Variants in TMEFF1 observed in about 807,000 individuals in gnomAD.
TMEFF1 encodes tomoregulin-1.
In TMEFF1, 20 loss-of-function variants were observed where a neutral mutation model predicts 47.5. That is an observed-to-expected ratio of 0.42 (90% confidence interval 0.30 to 0.61). The LOEUF (loss-of-function observed/expected upper bound fraction) is 0.61. TMEFF1 is among the 20% of genes least tolerant of loss of function. The pLI, the probability that TMEFF1 is intolerant of heterozygous loss-of-function variation, is 0.19. For synonymous variants in TMEFF1, 162 were observed against 166.3 expected, an observed-to-expected ratio of 0.97 and a Z score of 0.20; for missense variants, 411 against 471.1, an observed-to-expected ratio of 0.87 and a Z score of 1.18.
At chr9:100,483,810 G>C (rs1837390831) in intron 1 of TMEFF1, among the ~76,000 whole-genome samples, 1 of 150,114 alleles carries the variant, frequency 6.7e-6, no homozygotes, top group African/African-American at 2.5e-5. Flanking sequence ...CCCTGAACTT[G>C]GCTCTGTCAA....
chr9:100,511,590 T>A (rs1837968168), intron 3 of TMEFF1, among the ~76,000 whole-genome samples: 1 of 152,240 alleles, frequency 6.6e-6, no homozygotes, highest in African/African-American at 2.4e-5. Flanking sequence ...TACTATTCTC[T>A]TTTCCTTATT....
chr9:100,559,688 T>C (rs1414672165), intron 7 of TMEFF1, among the ~76,000 whole-genome samples: 1 of 152,200 alleles, frequency 6.6e-6, no homozygotes, highest in African/African-American at 2.4e-5. Flanking sequence ...TGTCTTGTAC[T>C]ATACCTATGT....
At chr9:100,524,543 A>G (rs559058868) in intron 5 of TMEFF1, among the ~76,000 whole-genome samples, 6 of 152,298 alleles carry the variant, frequency 3.9e-5, no homozygotes, top group Admixed American at 1.3e-4. Context: ...TAGGCTCACT[A>G]TAGTTGAGGC....
intron 2 of TMEFF1, among the ~76,000 whole-genome samples, chr9:100,505,804 G>C (rs1397303476): frequency 6.6e-6 from 1 of 152,236 alleles, no homozygotes; most frequent in Non-Finnish European, 1.5e-5. Flanking sequence ...ACGTTAGAAA[G>C]TAAGCATTTG....
At chr9:100,529,684 C>T (rs1231438095) in intron 5 of TMEFF1, among the ~76,000 whole-genome samples, 3 of 152,186 alleles carry the variant, frequency 2.0e-5, no homozygotes, top group South Asian at 2.1e-4. Flanking sequence ...GACAGATCAA[C>T]GAGACAGAAA....
At chr9:100,507,823 A>G (rs983606030) in intron 2 of TMEFF1, among the ~76,000 whole-genome samples, 2 of 152,204 alleles carry the variant, frequency 1.3e-5, no homozygotes, top group African/African-American at 4.8e-5. Context: ...TTTTTAGGTT[A>G]TTGATATTAT....
intron 6 of TMEFF1, among the ~76,000 whole-genome samples, chr9:100,549,458 T>C (rs1838794304): frequency 6.6e-6 from 1 of 152,118 alleles, no homozygotes; most frequent in Non-Finnish European, 1.5e-5. Flanking sequence ...ATCAGTCAAG[T>C]TTGAGAGTTT....
At chr9:100,531,314 A>G (rs1208882445) in intron 5 of TMEFF1, among the ~76,000 whole-genome samples, 7 of 152,230 alleles carry the variant, frequency 4.6e-5, no homozygotes, top group Non-Finnish European at 8.8e-5. Context: ...TTTGCAGACG[A>G]CATGATTGTA....
At chr9:100,552,310 G>A (rs973821934) in intron 7 of TMEFF1, among the ~76,000 whole-genome samples, 1 of 152,216 alleles carries the variant, frequency 6.6e-6, no homozygotes, top group Non-Finnish European at 1.5e-5. Flanking sequence ...AGGGATATCA[G>A]TTAGGTAAAG....
intron 5 of TMEFF1, among the ~76,000 whole-genome samples, chr9:100,540,497 C>A (rs1251257554): frequency 6.6e-6 from 1 of 152,240 alleles, no homozygotes; most frequent in African/African-American, 2.4e-5. Flanking sequence ...AGTGCCCACC[C>A]GTGCCTCCCC....
intron 7 of TMEFF1, among the ~76,000 whole-genome samples, chr9:100,557,554 A>T (rs1053150147): frequency 1.3e-5 from 2 of 152,140 alleles, no homozygotes; most frequent in African/African-American, 4.8e-5. Flanking sequence ...CATGTGCATT[A>T]TACCTTCCCT....
chr9:100,509,225 C>A, intron 3 of TMEFF1, 91 bp downstream of exon 3: 1 of 1,369,560 alleles, frequency 7.3e-7, no homozygotes, highest in Non-Finnish European at 9.4e-7. Context: ...ATTTCCACAA[C>A]TGCTGTGTGG....
chr9:100,480,905 G>A (rs970995950), intron 1 of TMEFF1, among the ~76,000 whole-genome samples: 1 of 152,186 alleles, frequency 6.6e-6, no homozygotes, highest in Non-Finnish European at 1.5e-5. Context: ...GTGGTGTCAT[G>A]GGAATGTGTA....
chr9:100,538,594 C>T (rs1587844641), intron 5 of TMEFF1, among the ~76,000 whole-genome samples: 1 of 152,202 alleles, frequency 6.6e-6, no homozygotes, highest in East Asian at 1.9e-4. Context: ...TATTTTATCA[C>T]ATATGATAGG....
intron 4 of TMEFF1, 75 bp from the exon 5 acceptor site, chr9:100,516,600 A>G: frequency 6.5e-7 from 1 of 1,542,118 alleles, no homozygotes; most frequent in Non-Finnish European, 8.7e-7. Flanking sequence ...CAGGATAATG[A>G]CTGCTGAAAA....
chr9:100,512,871 A>AT (rs201361054), intron 3 of TMEFF1, among the ~76,000 whole-genome samples: 101 of 147,114 alleles, frequency 6.9e-4, no homozygotes, highest in African/African-American at 1.9e-3. Context: ...CCTTAAGAAG[A>AT]TTTTTTTTTT....
At chr9:100,518,682 A>G (rs529611777) in intron 5 of TMEFF1, among the ~76,000 whole-genome samples, 1 of 152,366 alleles carries the variant, frequency 6.6e-6, no homozygotes, top group South Asian at 2.1e-4. Context: ...CTAATCTTTT[A>G]GTCTGTAAAG....
intron 1 of TMEFF1, among the ~76,000 whole-genome samples, chr9:100,484,240 T>C (rs1260082483): frequency 6.6e-6 from 1 of 152,222 alleles, no homozygotes; most frequent in East Asian, 1.9e-4. Context: ...TCATCTTTTT[T>C]CTAAATTGCA....
At chr9:100,566,831 A>T (rs972543488) in intron 8 of TMEFF1, among the ~76,000 whole-genome samples, 3 of 151,880 alleles carry the variant, frequency 2.0e-5, no homozygotes, top group African/African-American at 7.3e-5. Context: ...CAGCCTCCTG[A>T]ATAGCTGGGA....
Sources: allele counts gnomAD v4.1 joint callset (sites outside exome capture counted in the v4.1 genomes callset), GRCh38; gene constraint gnomAD v4.1.1; transcripts MANE v1.5; gene names NCBI Gene and HGNC (gene_info 2026-07-23, HGNC 2026-07-21).